The following CAST variants were observed in gnomAD, a reference collection of about 807,000 sequenced individuals.
CAST encodes MIR583 host.
CAST carries 76 observed loss-of-function variants against 119.6 expected under a neutral mutation model. That is an observed-to-expected ratio of 0.64 (90% CI 0.53 to 0.77). The LOEUF (loss-of-function observed/expected upper bound fraction) is 0.77. CAST is among the 30% of genes least tolerant of loss of function. The probability of loss-of-function intolerance (pLI) is 0.00; values close to 1 mark genes in which losing one functional copy is unlikely to be tolerated. For missense variants in CAST, 953 were observed against 946.5 expected, an observed-to-expected ratio of 1.01 and a Z score of -0.09; for synonymous variants, 319 against 331.6, an observed-to-expected ratio of 0.96 and a Z score of 0.41.
At chr5:96,226,210 T>C in the CAST span, among the ~76,000 whole-genome samples, 19 of 152,200 alleles carry the variant, frequency 1.2e-4, no homozygotes, top group Admixed American at 9.2e-4. Flanking sequence ...TAGCCCCATA[T>C]AGACTGGGTG....
the CAST span, among the ~76,000 whole-genome samples, chr5:96,046,159 G>C: frequency 2.0e-5 from 3 of 152,138 alleles, no homozygotes; most frequent in Non-Finnish European, 4.4e-5. Flanking sequence ...AAGGGGAGGA[G>C]ATGAAGTAAG....
chr5:96,241,749 T>C, the CAST span, among the ~76,000 whole-genome samples: 1 of 149,158 alleles, frequency 6.7e-6, no homozygotes, highest in African/African-American at 2.4e-5. Flanking sequence ...TTTTAATGAT[T>C]GCCATTCTAA....
chr5:96,475,462 G>C, the CAST span, among the ~76,000 whole-genome samples: 1 of 152,172 alleles, frequency 6.6e-6, no homozygotes, highest in East Asian at 1.9e-4. Context: ...CAAACGATGA[G>C]AAAGAAACCT....
chr5:96,662,527 G>T, intron 1 of CAST, 30 bp downstream of exon 1: 1 of 1,350,354 alleles, frequency 7.4e-7, no homozygotes, highest in Non-Finnish European at 9.5e-7. Context: ...GCGTCGCGGG[G>T]CTGGGCGATG....
At chr5:96,285,289 C>T in the CAST span, among the ~76,000 whole-genome samples, 16 of 152,194 alleles carry the variant, frequency 1.1e-4, no homozygotes, top group East Asian at 3.9e-4. Flanking sequence ...TAAAGGTATA[C>T]GTCACGTGTT....
At chr5:96,472,783 G>A in the CAST span, among the ~76,000 whole-genome samples, 13 of 152,290 alleles carry the variant, frequency 8.5e-5, no homozygotes, top group East Asian at 2.5e-3. Context: ...AAACAATGTA[G>A]GCATGATCAC....
chr5:96,124,679 A>G, the CAST span, among the ~76,000 whole-genome samples: 16 of 152,228 alleles, frequency 1.1e-4, no homozygotes, highest in African/African-American at 3.1e-4. Flanking sequence ...AGCTTCTTAC[A>G]TAGTTATTTA....
chr5:96,006,394 A>T, the CAST span, among the ~76,000 whole-genome samples: 288 of 150,986 alleles, frequency 1.9e-3, 2 homozygotes, highest in African/African-American at 6.8e-3. Flanking sequence ...AAAAAAAATC[A>T]TAATGTTTTA....
chr5:96,731,731 G>A (rs151903), intron 9 of CAST, among the ~76,000 whole-genome samples: 1 of 141,810 alleles, frequency 7.1e-6, no homozygotes, highest in East Asian at 2.1e-4. Flanking sequence ...CAATTCCCAC[G>A]TATGAGTGAG....
At chr5:96,273,077 C>A in the CAST span, among the ~76,000 whole-genome samples, 1 of 152,150 alleles carries the variant, frequency 6.6e-6, no homozygotes, top group Non-Finnish European at 1.5e-5. Flanking sequence ...TAAATGTCAG[C>A]CCTAATGCTA....
the CAST span, among the ~76,000 whole-genome samples, chr5:96,490,021 T>G: frequency 6.6e-6 from 1 of 152,240 alleles, no homozygotes; most frequent in African/African-American, 2.4e-5. Context: ...AAATGACATC[T>G]GGACATATGT....
chr5:96,234,354 A>G, the CAST span, among the ~76,000 whole-genome samples: 1 of 152,236 alleles, frequency 6.6e-6, no homozygotes, highest in African/African-American at 2.4e-5. Flanking sequence ...TTTACTCTAC[A>G]GCAATTGAAC....
At chr5:96,366,957 T>A in the CAST span, among the ~76,000 whole-genome samples, 1 of 152,162 alleles carries the variant, frequency 6.6e-6, no homozygotes, top group South Asian at 2.1e-4. Flanking sequence ...ATCTTTTTGG[T>A]TTTATCTACC....
chr5:96,396,180 T>C, the CAST span, among the ~76,000 whole-genome samples: 1 of 152,162 alleles, frequency 6.6e-6, no homozygotes, highest in African/African-American at 2.4e-5. Flanking sequence ...GAGAAAGCTA[T>C]CCTCAGAGAA....
Position 96,587,925 on chromosome 5 carries a change from A to G in CAST, c.60+58045A>G, listed in dbSNP as rs544530843. Among the ~76,000 whole-genome samples, 35 of 152,252 alleles carry G rather than the reference A, an allele frequency of 2.3e-4. 1 individual carries two copies. Among genetic ancestry groups the G allele is most frequent in the Non-Finnish European group, 4.7e-4 (32 of 68,020 alleles). The stretch of plus-strand genomic sequence containing the variant: ...TCTTAAAAATAATTATCTCTATGAG[A>G]TCATATGTGCAAAGTGCCTATACTA... On this transcript the variant is annotated intron_variant, in intron 1 of 11. Transcript: ENST00000505143.
At chr5:96,717,034 T>C (rs985869628) in intron 3 of CAST, among the ~76,000 whole-genome samples, 1 of 152,208 alleles carries the variant, frequency 6.6e-6, no homozygotes, top group Admixed American at 6.5e-5. Context: ...TAAAACTGTA[T>C]CTTATTCTGT....
chr5:96,432,801 G>C, the CAST span: 26 of 1,420,164 alleles, frequency 1.8e-5, no homozygotes, highest in Non-Finnish European at 2.3e-5. Context: ...TTGGAAGACC[G>C]CGCTCCAGTC....
intron 1 of CAST, among the ~76,000 whole-genome samples, chr5:96,666,839 C>T (rs1182095509): frequency 1.3e-5 from 2 of 152,070 alleles, no homozygotes; most frequent in East Asian, 3.8e-4. Context: ...AGTGGGGGGT[C>T]ATGTGAGATT....
At chr5:96,758,675 G>C (rs17086643) in intron 24 of CAST, among the ~76,000 whole-genome samples, 14,179 of 152,154 alleles carry the variant, frequency 0.093, 793 homozygotes, top group African/African-American at 0.14. Flanking sequence ...GCTGAATGAA[G>C]CAATAAAGCC....
Sources: gnomAD v4.1 joint callset for allele counts (sites outside exome capture counted in the v4.1 genomes callset) on GRCh38, gnomAD v4.1.1 for gene constraint, MANE v1.5 for transcripts, NCBI Gene and HGNC (gene_info 2026-07-23, HGNC 2026-07-21) for gene names.